IL1RAPL2: variants seen among roughly 807,000 people sequenced by gnomAD.
IL1RAPL2 encodes interleukin 1 receptor accessory protein like 2.
Under a neutral mutation model 44.1 loss-of-function variants are expected in IL1RAPL2, and 3 were observed. That is an observed-to-expected ratio of 0.07 (90% CI 0.03 to 0.18). IL1RAPL2 has a LOEUF of 0.18. IL1RAPL2 is among the 10% of genes least tolerant of loss of function. The probability of loss-of-function intolerance (pLI) is 1.00; values close to 1 mark genes in which losing one functional copy is unlikely to be tolerated. For missense variants in IL1RAPL2, 391 were observed against 496.4 expected (o/e 0.79, Z 2.02); for synonymous variants, 181 against 178.8 (o/e 1.01, Z -0.10).
At chrX:105,591,785 G>A (rs1888029126) in intron 6 of IL1RAPL2, among the ~76,000 whole-genome samples, 1 of 111,365 alleles carries the variant, frequency 9.0e-6, no homozygotes, top group Admixed American at 9.6e-5. Context: ...TGAGATTGTA[G>A]GTGGTATGAT....
At chrX:104,770,759 G>A (rs888019370) in intron 2 of IL1RAPL2, among the ~76,000 whole-genome samples, 34 of 112,059 alleles carry the variant, frequency 3.0e-4, no homozygotes, top group African/African-American at 1.1e-3. Flanking sequence ...TTTATGTTAA[G>A]TTCAGGTGTA....
At chrX:104,914,764 G>A (rs1924360648) in intron 2 of IL1RAPL2, among the ~76,000 whole-genome samples, 1 of 109,267 alleles carries the variant, frequency 9.2e-6, no homozygotes, top group African/African-American at 3.3e-5. Context: ...CCCTTCCTGT[G>A]TCCATGTGTT....
At chrX:104,829,340 C>T (rs1256753494) in intron 2 of IL1RAPL2, among the ~76,000 whole-genome samples, 8 of 111,690 alleles carry the variant, frequency 7.2e-5, no homozygotes, top group Admixed American at 6.7e-4. Flanking sequence ...ATAGCAGCAT[C>T]CCTCACTGCA....
intron 5 of IL1RAPL2, among the ~76,000 whole-genome samples, chrX:105,360,454 C>G (rs1238397450): frequency 9.0e-6 from 1 of 110,989 alleles, no homozygotes; most frequent in Non-Finnish European, 1.9e-5. Flanking sequence ...GAGAGTGAGA[C>G]AGTTGATTCA....
chrX:104,937,737 CAT>C (rs1410612947), intron 2 of IL1RAPL2, among the ~76,000 whole-genome samples: 1 of 112,320 alleles, frequency 8.9e-6, no homozygotes, highest in East Asian at 2.8e-4. Flanking sequence ...AATTTGGAAA[CAT>C]ATTGCTCCTC....
At chrX:104,966,651 A>G (rs777109244) in intron 2 of IL1RAPL2, among the ~76,000 whole-genome samples, 1 of 112,138 alleles carries the variant, frequency 8.9e-6, no homozygotes, top group African/African-American at 3.2e-5. Context: ...ATGAGGGCAG[A>G]TTTTAATCCA....
chrX:105,068,248 A>G (rs1054486204), intron 2 of IL1RAPL2, among the ~76,000 whole-genome samples: 1 of 111,691 alleles, frequency 9.0e-6, no homozygotes, highest in African/African-American at 3.3e-5. Context: ...AAACTAGTCC[A>G]TAAGTTCAGT....
intron 6 of IL1RAPL2, among the ~76,000 whole-genome samples, chrX:105,632,176 T>A (rs1477798492): frequency 2.7e-5 from 3 of 111,232 alleles, no homozygotes; most frequent in African/African-American, 9.8e-5. Flanking sequence ...GATGGTCCCA[T>A]GTGATCCTCA....
intron 4 of IL1RAPL2, among the ~76,000 whole-genome samples, chrX:105,264,853 A>G (rs1298536502): frequency 9.0e-6 from 1 of 111,678 alleles, no homozygotes; most frequent in African/African-American, 3.3e-5. Context: ...CTCTAGAGGG[A>G]TGTTGGTGAC....
chrX:105,743,897 T>C (rs993714554), intron 8 of IL1RAPL2, among the ~76,000 whole-genome samples: 4 of 112,288 alleles, frequency 3.6e-5, no homozygotes, highest in Middle Eastern at 4.6e-3. Context: ...GCATTTTTTC[T>C]TTTCAAGTAT....
At chrX:105,313,098 C>T (rs749054748) in intron 5 of IL1RAPL2, among the ~76,000 whole-genome samples, 7 of 111,358 alleles carry the variant, frequency 6.3e-5, no homozygotes. Flanking sequence ...GTGGGCATTC[C>T]AAAAGTTCAG....
intron 2 of IL1RAPL2, among the ~76,000 whole-genome samples, chrX:104,882,056 T>A (rs1923084315): frequency 1.8e-5 from 2 of 112,450 alleles, no homozygotes; most frequent in South Asian, 7.4e-4. Flanking sequence ...CATATATGCT[T>A]CTCTTTATGG....
chrX:104,912,453 G>A (rs756240314), intron 2 of IL1RAPL2, among the ~76,000 whole-genome samples: 8 of 110,543 alleles, frequency 7.2e-5, no homozygotes, highest in Admixed American at 2.9e-4. Context: ...TCCTCTCCCT[G>A]GTGGACTAGT....
At chrX:105,225,970 G>T (rs1390114237) in intron 3 of IL1RAPL2, among the ~76,000 whole-genome samples, 5 of 111,629 alleles carry the variant, frequency 4.5e-5, no homozygotes, top group Non-Finnish European at 9.4e-5. Flanking sequence ...GAGCCCCCGT[G>T]CCTGGCCAGA....
chrX:104,784,648 C>T (rs773232314), intron 2 of IL1RAPL2, among the ~76,000 whole-genome samples: 1 of 110,209 alleles, frequency 9.1e-6, no homozygotes, highest in Non-Finnish European at 1.9e-5. Flanking sequence ...ATTTTCTGAT[C>T]TCCTCCACTG....
chrX:105,613,899 G>A (rs2037354661), intron 6 of IL1RAPL2, among the ~76,000 whole-genome samples: 2 of 111,134 alleles, frequency 1.8e-5, no homozygotes, highest in African/African-American at 6.5e-5. Context: ...CATGCATGGG[G>A]CCTGGGAGAG....
At chrX:104,682,657 T>C (rs1009098169) in intron 2 of IL1RAPL2, among the ~76,000 whole-genome samples, 7 of 112,032 alleles carry the variant, frequency 6.2e-5, no homozygotes, top group African/African-American at 2.3e-4. Flanking sequence ...AGCTACTCAA[T>C]AAATATTCAT....
At chrX:104,954,744 G>A (rs745796839) in intron 2 of IL1RAPL2, among the ~76,000 whole-genome samples, 38 of 112,182 alleles carry the variant, frequency 3.4e-4, no homozygotes, top group Admixed American at 5.7e-4. Context: ...AGTGTAAGAC[G>A]GGTGGCCTAA....
chrX:105,063,096 G>T, intron 2 of IL1RAPL2, among the ~76,000 whole-genome samples: 1 of 110,800 alleles, frequency 9.0e-6, no homozygotes, highest in Non-Finnish European at 1.9e-5. Context: ...TTATTTTCTA[G>T]ATCTTGGAGG....
Sources: gnomAD v4.1 joint callset for allele counts (sites outside exome capture counted in the v4.1 genomes callset) on GRCh38, gnomAD v4.1.1 for gene constraint, MANE v1.5 for transcripts, NCBI Gene and HGNC (gene_info 2026-07-23, HGNC 2026-07-21) for gene names.